Variants in RASGRF2 observed in about 807,000 individuals in gnomAD.
The protein encoded by RASGRF2 is ras-specific guanine nucleotide-releasing factor 2.
Under a neutral mutation model 151.0 loss-of-function variants are expected in RASGRF2, and 76 were observed. The ratio of observed to expected loss-of-function variants is 0.50; its 90% CI spans 0.42 to 0.61. The LOEUF is 0.61. Among genes scored for constraint, RASGRF2 ranks in the 20% least tolerant of loss-of-function variants. RASGRF2 has a pLI of 0.00. For synonymous variants in RASGRF2, 504 were observed against 566.5 expected (o/e 0.89, Z 1.57); for missense variants, 1,148 against 1,564.6 (o/e 0.73, Z 4.49).
chr5:80,995,692 C>CA (rs1554083706), intron 1 of RASGRF2, among the ~76,000 whole-genome samples: 2 of 121,966 alleles, frequency 1.6e-5, no homozygotes, highest in South Asian at 3.2e-4. Context: ...CTTCCCCCCC[C>CA]CTTTTTTTTT....
chr5:81,181,711 G>C (rs1754921044), intron 18 of RASGRF2, among the ~76,000 whole-genome samples: 1 of 152,126 alleles, frequency 6.6e-6, no homozygotes, highest in Admixed American at 6.5e-5. Context: ...AAGATGCAAA[G>C]TAGCTTTGCA....
At chr5:81,046,863 G>C (rs1260084610) in intron 2 of RASGRF2, among the ~76,000 whole-genome samples, 1 of 152,078 alleles carries the variant, frequency 6.6e-6, no homozygotes, top group African/African-American at 2.4e-5. Context: ...CAGCAGTTAG[G>C]AGATAGTCAT....
chr5:80,985,724 G>A (rs749550991), intron 1 of RASGRF2, among the ~76,000 whole-genome samples: 1 of 152,146 alleles, frequency 6.6e-6, no homozygotes, highest in Non-Finnish European at 1.5e-5. Context: ...AGTGTTTCAT[G>A]GCTAGTTATT....
At chr5:81,220,794 T>C (rs1325334612) in intron 26 of RASGRF2, among the ~76,000 whole-genome samples, 1 of 152,186 alleles carries the variant, frequency 6.6e-6, no homozygotes, top group East Asian at 1.9e-4. Context: ...CTGAAGACCA[T>C]CATTTATTCA....
chr5:81,088,720 A>G (rs1011786995), intron 9 of RASGRF2: 12 of 152,204 alleles, frequency 7.9e-5, no homozygotes, highest in African/African-American at 2.9e-4. Flanking sequence ...GGGAAGTATT[A>G]TAACCCACAA....
Position 81,113,826 on chromosome 5 carries a change from C to T in RASGRF2, c.2376C>T (p.Leu792=). 11 of 1,614,222 alleles carry T rather than the reference C, an allele frequency of 6.8e-6. No homozygotes were observed. The highest frequency in any genetic ancestry group is 9.3e-6 in the Non-Finnish European group (11 of 1,180,032). The change falls in exon 15 of 27, where the codon CTC becomes CTT. Residue 792 remains leucine (L), a synonymous_variant. Transcript: ENST00000265080. The stretch of plus-strand genomic sequence containing the variant: ...TACCACTGGATCTCAGCAGAGGCCT[C>T]TCTTCTCCAGAGCAAAGCCCGGGAA... The part of the protein sequence containing the change: ...GQIPLDLSRG[L]SSPEQSPGTV...
chr5:81,169,253 G>A (rs1754586734), intron 17 of RASGRF2, among the ~76,000 whole-genome samples: 1 of 152,074 alleles, frequency 6.6e-6, no homozygotes, highest in Non-Finnish European at 1.5e-5. Flanking sequence ...AGCCATTCCT[G>A]ATTCCTCTTT....
chr5:81,014,701 C>G (rs1749574258), intron 1 of RASGRF2, among the ~76,000 whole-genome samples: 1 of 152,052 alleles, frequency 6.6e-6, no homozygotes, highest in Non-Finnish European at 1.5e-5. Context: ...AGGAATGTTC[C>G]TATGAAGAAT....
intron 15 of RASGRF2, chr5:81,114,790 A>G (rs894419813): frequency 4.6e-5 from 7 of 152,232 alleles, no homozygotes; most frequent in Admixed American, 4.6e-4. Flanking sequence ...GCTCCATGAG[A>G]TCAGCAGTCT....
intron 15 of RASGRF2, among the ~76,000 whole-genome samples, chr5:81,117,241 C>T (rs1200081281): frequency 6.6e-6 from 1 of 152,106 alleles, no homozygotes; most frequent in Non-Finnish European, 1.5e-5. Context: ...TTGTTTTGGG[C>T]TGTTATAGCA....
intron 1 of RASGRF2, among the ~76,000 whole-genome samples, chr5:81,026,790 G>A (rs995385189): frequency 6.6e-6 from 1 of 152,152 alleles, no homozygotes. Flanking sequence ...CAGAGGACAG[G>A]TTATATTAAC....
intron 1 of RASGRF2, among the ~76,000 whole-genome samples, chr5:81,040,224 A>T (rs1469056022): frequency 1.3e-5 from 2 of 151,842 alleles, no homozygotes; most frequent in Non-Finnish European, 2.9e-5. Context: ...TCCCAGGATG[A>T]TCTCAAACTC....
chr5:81,109,141 C>A, intron 13 of RASGRF2, 63 bp downstream of exon 13: 1 of 1,560,414 alleles, frequency 6.4e-7, no homozygotes, highest in African/African-American at 1.4e-5. Flanking sequence ...ACATGTAAAA[C>A]CTTGAATAAA....
intron 17 of RASGRF2, among the ~76,000 whole-genome samples, chr5:81,153,873 T>C (rs557352512): frequency 6.6e-6 from 1 of 151,252 alleles, no homozygotes; most frequent in African/African-American, 2.4e-5. Flanking sequence ...GAAAAAGATA[T>C]TCCACGTAAA....
chr5:81,164,043 C>T (rs1754449581), intron 17 of RASGRF2, among the ~76,000 whole-genome samples: 1 of 152,166 alleles, frequency 6.6e-6, no homozygotes, highest in South Asian at 2.1e-4. Flanking sequence ...ATAACTCTGA[C>T]TTGCAGACTT....
chr5:81,196,627 C>A (rs1311044818), intron 18 of RASGRF2, among the ~76,000 whole-genome samples: 1 of 151,322 alleles, frequency 6.6e-6, no homozygotes, highest in Admixed American at 6.6e-5. Context: ...CCCACTCCCC[C>A]CTCCCCCGTT....
At chr5:81,217,529 G>T in intron 25 of RASGRF2, 56 bp downstream of exon 25, 2 of 1,083,932 alleles carry the variant, frequency 1.8e-6, no homozygotes, top group Non-Finnish European at 2.5e-6. Context: ...TTATAGAGAA[G>T]AGGCTAAGTA....
chr5:81,144,831 G>A (rs1221286934), intron 17 of RASGRF2, among the ~76,000 whole-genome samples: 1 of 152,142 alleles, frequency 6.6e-6, no homozygotes. Context: ...GTCACACAGG[G>A]AGTAAGTAGC....
At chr5:81,121,875 C>T (rs1408364274) in intron 15 of RASGRF2, among the ~76,000 whole-genome samples, 2 of 152,190 alleles carry the variant, frequency 1.3e-5, no homozygotes, top group Admixed American at 6.5e-5. Flanking sequence ...AGACCATGGC[C>T]GTGCAACTTA....
Sources: gnomAD v4.1 joint callset for allele counts (sites outside exome capture counted in the v4.1 genomes callset) on GRCh38, gnomAD v4.1.1 for gene constraint, MANE v1.5 for transcripts, NCBI Gene and HGNC (gene_info 2026-07-23, HGNC 2026-07-21) for gene names.